Variants in KDM4C observed in about 807,000 individuals in gnomAD.
The protein encoded by KDM4C is lysine-specific demethylase 4C.
A neutral mutation model predicts 129.3 loss-of-function variants in KDM4C; 81 were observed. That is an observed-to-expected ratio of 0.63 (90% CI 0.52 to 0.75). The LOEUF is 0.75. Ranked by LOEUF, KDM4C falls within the 30% of genes least tolerant of loss-of-function variation. KDM4C has a pLI of 0.00. For synonymous variants in KDM4C, 573 were observed against 456.1 expected, an observed-to-expected ratio of 1.26 and a Z score of -3.26; for missense variants, 1,457 against 1,304.0, an observed-to-expected ratio of 1.12 and a Z score of -1.81.
chr9:7,023,475 A>G (rs1480419557), intron 15 of KDM4C, among the ~76,000 whole-genome samples: 1 of 152,074 alleles, frequency 6.6e-6, no homozygotes, highest in Non-Finnish European at 1.5e-5. Context: ...CTGTAATATC[A>G]GCTATAATGT....
At chr9:6,997,217 AG>A (rs1284465854) in intron 12 of KDM4C, among the ~76,000 whole-genome samples, 2 of 152,174 alleles carry the variant, frequency 1.3e-5, no homozygotes, top group Non-Finnish European at 2.9e-5. Flanking sequence ...CTGATTGGTA[AG>A]GGGGAGCCAA....
At chr9:7,017,202 G>C (rs143963715) in intron 15 of KDM4C, among the ~76,000 whole-genome samples, 5 of 152,328 alleles carry the variant, frequency 3.3e-5, no homozygotes, top group African/African-American at 1.2e-4. Context: ...CTCCTGAAGT[G>C]CTGGGGTTAT....
intron 15 of KDM4C, among the ~76,000 whole-genome samples, chr9:7,017,810 A>G (rs1823957722): frequency 6.6e-6 from 1 of 152,190 alleles, no homozygotes; most frequent in Non-Finnish European, 1.5e-5. Flanking sequence ...TGACAATATA[A>G]AGAATACGCC....
chr9:6,801,132 G>T lies in KDM4C; in HGVS notation c.145-4467G>T, dbSNP rs56269641. Among the ~76,000 whole-genome samples, 1,383 of 151,094 alleles carry T rather than the reference G, an allele frequency of 9.2e-3. 20 individuals are homozygous for T. The highest frequency in any genetic ancestry group is 0.032 in the African/African-American group (1,300 of 41,240). On this transcript the variant is annotated intron_variant, in intron 2 of 21. Transcript: ENST00000381309. Reference sequence around the variant, plus strand: ...CAAGTTTCTTTATCTGATGACGCTTGACTTGAGTTTCAGAGTTATAGGTAC... The same window carrying T: ...CAAGTTTCTTTATCTGATGACGCTTTACTTGAGTTTCAGAGTTATAGGTAC...
chr9:6,972,674 A>G (rs1563912876), intron 8 of KDM4C, among the ~76,000 whole-genome samples: 1 of 152,170 alleles, frequency 6.6e-6, no homozygotes, highest in East Asian at 1.9e-4. Context: ...TTTGCTATTC[A>G]TGAGTTTCAT....
At position 7,011,744 on chromosome 9, in the gene KDM4C, GTC is replaced by G; in HGVS notation, c.1835_1836del (p.Ser612LeufsTer15). ...SIEEEVEETE[S>X]WAKPLIHLWQ... ...TTGAGGAGGAAGTGGAAGAAACAGA[GTC>G]TTGGGCGAAACCTCTCATCCACCTT... On this transcript the variant is annotated frameshift_variant, in exon 13 of 22. Coordinates refer to ENST00000381309, the MANE Select transcript of KDM4C (RefSeq NM_015061.6). LOFTEE classifies it high-confidence loss of function. The G allele has an allele frequency of 6.2e-7, 1 of 1,614,176 alleles. No individual in the cohort carries two copies. Among genetic ancestry groups the G allele is most frequent in the Non-Finnish European group, 8.5e-7 (1 of 1,180,008 alleles).
At chr9:7,086,517 C>G (rs1835130639) in intron 17 of KDM4C, among the ~76,000 whole-genome samples, 1 of 152,144 alleles carries the variant, frequency 6.6e-6, no homozygotes, top group Non-Finnish European at 1.5e-5. Context: ...AAGAGAGACG[C>G]CCACCCTCAT....
intron 2 of KDM4C, among the ~76,000 whole-genome samples, chr9:6,795,791 C>A (rs1827628949): frequency 6.6e-6 from 1 of 151,902 alleles, no homozygotes; most frequent in South Asian, 2.1e-4. Context: ...CCTCCCTCAG[C>A]CCCGCAATTA....
chr9:6,914,322 G>T (rs947210453), intron 8 of KDM4C, among the ~76,000 whole-genome samples: 1 of 152,176 alleles, frequency 6.6e-6, no homozygotes, highest in African/African-American at 2.4e-5. Context: ...GACTCCCAAA[G>T]TGCTGGGATT....
chr9:6,789,277 A>G (rs1017695805), intron 1 of KDM4C, among the ~76,000 whole-genome samples: 8 of 145,048 alleles, frequency 5.5e-5, no homozygotes, highest in Non-Finnish European at 7.5e-5. Flanking sequence ...CTGGAGTGCA[A>G]TGGCGTGATC....
chr9:7,092,115 C>G (rs1232628532), intron 17 of KDM4C, among the ~76,000 whole-genome samples: 1 of 152,090 alleles, frequency 6.6e-6, no homozygotes, highest in Non-Finnish European at 1.5e-5. Flanking sequence ...TCTGCTGTTT[C>G]TTTTTTCTTC....
chr9:7,095,809 G>T (rs2133083476), intron 17 of KDM4C, among the ~76,000 whole-genome samples: 1 of 152,300 alleles, frequency 6.6e-6, no homozygotes, highest in East Asian at 1.9e-4. Context: ...AGAAGGGACG[G>T]TGACTTTTGT....
chr9:6,970,847 G>T lies in KDM4C; in HGVS notation c.922-10078G>T, dbSNP rs1415250930. Among the ~76,000 whole-genome samples, 4 of 144,508 alleles carry T rather than the reference G, an allele frequency of 2.8e-5. No individual in the cohort carries two copies. The South Asian group carries it at 6.7e-4, about 24-fold the overall frequency. The allele number at this position is 144,508 out of a possible 152,430, so 94.8% of individuals were successfully genotyped here. A position where few individuals can be genotyped will look rare whatever the true frequency, so the allele number is the denominator to read the frequency against. ...TCACCCCCAGGGTACCTCCTCTTAGGAACAACTCATGGAATGTAGGATGAA... is the reference window on the plus strand; with the variant it reads ...TCACCCCCAGGGTACCTCCTCTTAGTAACAACTCATGGAATGTAGGATGAA... On this transcript the variant is annotated intron_variant, in intron 8 of 21. Transcript: ENST00000381309.
At chr9:7,031,127 C>CTTGT (rs563216335) in intron 15 of KDM4C, among the ~76,000 whole-genome samples, 18,945 of 137,946 alleles carry the variant, frequency 0.14, 1,454 homozygotes, top group South Asian at 0.29. Flanking sequence ...CTTTATTTTA[C>CTTGT]TTGTTTATTT....
chr9:6,884,204 T>C (rs1373002396), intron 6 of KDM4C, among the ~76,000 whole-genome samples: 1 of 152,146 alleles, frequency 6.6e-6, no homozygotes, highest in Non-Finnish European at 1.5e-5. Context: ...GAAAGGATAA[T>C]TTTCTATCCA....
At chr9:6,822,166 A>C (rs116465481) in intron 4 of KDM4C, among the ~76,000 whole-genome samples, 1,651 of 152,292 alleles carry the variant, frequency 0.011, 35 homozygotes, top group African/African-American at 0.038. Flanking sequence ...TGGTTTTTGT[A>C]ATAAAGCTTT....
intron 15 of KDM4C, among the ~76,000 whole-genome samples, chr9:7,024,485 C>A (rs1449548511): frequency 6.6e-6 from 1 of 150,606 alleles, no homozygotes; most frequent in Admixed American, 6.6e-5. Context: ...CCTCCCCCGT[C>A]CCCCCACCCC....
At chr9:7,161,155 T>G (rs1843744984) in intron 19 of KDM4C, among the ~76,000 whole-genome samples, 1 of 152,102 alleles carries the variant, frequency 6.6e-6, no homozygotes, top group African/African-American at 2.4e-5. Context: ...GGAGAGAATC[T>G]CCTTTCTGCT....
At chr9:6,826,967 G>A (rs1027048885) in intron 4 of KDM4C, among the ~76,000 whole-genome samples, 13 of 152,110 alleles carry the variant, frequency 8.5e-5, no homozygotes, top group African/African-American at 2.9e-4. Flanking sequence ...TGAAGGATGT[G>A]GGTGGGTGGA....
Sources: allele counts gnomAD v4.1 joint callset (sites outside exome capture counted in the v4.1 genomes callset), GRCh38; gene constraint gnomAD v4.1.1; transcripts MANE v1.5; gene names NCBI Gene and HGNC (gene_info 2026-07-23, HGNC 2026-07-21).